WDR7: variants seen among roughly 807,000 people sequenced by gnomAD.
WDR7 encodes the protein WD repeat domain 7.
A neutral mutation model predicts 169.4 loss-of-function variants in WDR7; 46 were observed. The ratio of observed to expected loss-of-function variants is 0.27; its 90% CI spans 0.21 to 0.35. WDR7 has a LOEUF of 0.35. Among genes scored for constraint, WDR7 ranks in the 10% least tolerant of loss-of-function variants. The pLI is 1.00. For synonymous variants in WDR7, 612 were observed against 666.8 expected, an observed-to-expected ratio of 0.92 and a Z score of 1.27; for missense variants, 1,534 against 1,859.3, an observed-to-expected ratio of 0.83 and a Z score of 3.22.
intron 21 of WDR7, among the ~76,000 whole-genome samples, chr18:56,916,366 T>C (rs1053577951): frequency 6.6e-6 from 1 of 151,124 alleles, no homozygotes; most frequent in African/African-American, 2.4e-5. Context: ...GAACATGCGG[T>C]GTTTGGTTTT....
chr18:56,822,919 T>C (rs1211074454), intron 20 of WDR7, among the ~76,000 whole-genome samples: 1 of 152,174 alleles, frequency 6.6e-6, no homozygotes, highest in African/African-American at 2.4e-5. Flanking sequence ...CTTTTTGTCC[T>C]TTTTTAAAAA....
At chr18:56,682,932 T>C (rs2025377906) in intron 5 of WDR7, 79 bp downstream of exon 5, 15 of 1,408,686 alleles carry the variant, frequency 1.1e-5, no homozygotes, top group Admixed American at 2.2e-5. Flanking sequence ...CAATTTATCA[T>C]AAATTAATAC....
intron 14 of WDR7, among the ~76,000 whole-genome samples, chr18:56,743,809 G>C (rs899634093): frequency 6.6e-6 from 1 of 152,176 alleles, no homozygotes; most frequent in East Asian, 1.9e-4. Context: ...TGAGAGGAAC[G>C]TTCTCGATCA....
At position 56,779,474 on chromosome 18, in the gene WDR7, C is replaced by T; in HGVS notation, c.2991C>T (p.Asp997=). 1.2e-6 allele frequency: 2 copies of T among 1,613,876 alleles called. No homozygotes were observed. Among genetic ancestry groups the T allele is most frequent in the Non-Finnish European group, 1.7e-6 (2 of 1,179,888 alleles). The change falls in exon 18 of 28, where the codon GAC becomes GAT. Residue 997 remains aspartate (D), a synonymous_variant. Transcript: ENST00000254442. ...CTATGCACTGTGTTATGCTGCCAGA[C>T]CTACTGGGATTGGATAAATTTAGGC... The part of the protein sequence containing the change: ...LAAMHCVMLP[D]LLGLDKFRPP...
At chr18:56,824,462 A>G (rs193161604) in intron 20 of WDR7, among the ~76,000 whole-genome samples, 10 of 152,324 alleles carry the variant, frequency 6.6e-5, no homozygotes, top group African/African-American at 2.2e-4. Flanking sequence ...CATCTTCTCA[A>G]TAAATGTTTA....
intron 14 of WDR7, among the ~76,000 whole-genome samples, chr18:56,751,386 A>C (rs542102672): frequency 1.3e-5 from 2 of 152,312 alleles, no homozygotes; most frequent in South Asian, 4.1e-4. Flanking sequence ...GTGCTGCTTC[A>C]ATAATTTCTT....
chr18:56,994,905 T>C (rs1250976477), intron 26 of WDR7, among the ~76,000 whole-genome samples: 1 of 152,218 alleles, frequency 6.6e-6, no homozygotes, highest in East Asian at 1.9e-4. Flanking sequence ...TTCTAGTAAT[T>C]TATTAATTCT....
At chr18:56,886,576 G>A (rs927585767) in intron 21 of WDR7, among the ~76,000 whole-genome samples, 5 of 151,986 alleles carry the variant, frequency 3.3e-5, no homozygotes, top group African/African-American at 4.8e-5. Context: ...AAATAAAAAG[G>A]TATTCAGGCA....
chr18:56,797,506 C>A (rs2044604000), intron 19 of WDR7, among the ~76,000 whole-genome samples: 1 of 151,050 alleles, frequency 6.6e-6, no homozygotes, highest in Non-Finnish European at 1.5e-5. Flanking sequence ...TATTTATATA[C>A]CATTTTATAT....
chr18:57,018,206 A>G (rs1221958920), intron 26 of WDR7, among the ~76,000 whole-genome samples: 1 of 152,110 alleles, frequency 6.6e-6, no homozygotes, highest in East Asian at 1.9e-4. Context: ...GAGGGGCCCA[A>G]TCTCCAGAAG....
intron 26 of WDR7, among the ~76,000 whole-genome samples, chr18:56,981,159 T>C (rs2047639208): frequency 6.6e-6 from 1 of 152,108 alleles, no homozygotes; most frequent in Non-Finnish European, 1.5e-5. Flanking sequence ...AAAGGTAAAA[T>C]TGACTGAACT....
intron 14 of WDR7, among the ~76,000 whole-genome samples, chr18:56,746,461 T>C (rs1315790236): frequency 6.6e-6 from 1 of 152,108 alleles, no homozygotes; most frequent in African/African-American, 2.4e-5. Context: ...TACAGTGTAA[T>C]GTTACTTGGT....
intron 14 of WDR7, among the ~76,000 whole-genome samples, chr18:56,733,964 A>T (rs1309496458): frequency 3.3e-5 from 5 of 152,124 alleles, no homozygotes; most frequent in Non-Finnish European, 2.9e-5. Flanking sequence ...ATGATGTGGA[A>T]CAGAAAGTGC....
intron 13 of WDR7, among the ~76,000 whole-genome samples, chr18:56,722,596 A>G (rs2026346128): frequency 6.6e-6 from 1 of 152,208 alleles, no homozygotes. Context: ...TGGTAAAACC[A>G]AGTATAATCA....
Position 56,691,719 on chromosome 18 carries a change from C to T in WDR7, c.868C>T (p.Leu290Phe). ...SYIYKLPASC[L>F]PASDSFRSDV... is the part of the protein sequence containing the mutation. ...TTGTATTTTTCCCATATTCAGTTGCCTTCCAGCTAGTGATTCATTCCGCAG... is the reference window on the plus strand; with the variant it reads ...TTGTATTTTTCCCATATTCAGTTGCTTTCCAGCTAGTGATTCATTCCGCAG... Residue 290 changes from leucine to phenylalanine, a missense_variant, in exon 9 of 28, where the codon CTT (leucine) becomes TTT (phenylalanine). Physicochemically the swap from Leu to Phe is conservative, Grantham distance 22. Coordinates refer to ENST00000254442, the MANE Select transcript of WDR7 (RefSeq NM_015285.3). 1.2e-6 allele frequency: 2 copies of T among 1,607,740 alleles called. No individual in the cohort carries two copies. Among genetic ancestry groups the T allele is most frequent in the Non-Finnish European group, 1.7e-6 (2 of 1,178,202 alleles).
chr18:56,856,288 C>T (rs779560016), intron 20 of WDR7, among the ~76,000 whole-genome samples: 7 of 152,186 alleles, frequency 4.6e-5, no homozygotes, highest in Non-Finnish European at 8.8e-5. Flanking sequence ...AATCCCAGCA[C>T]TTTGGGAGGC....
chr18:56,727,979 A>G (rs1409316653), intron 13 of WDR7, among the ~76,000 whole-genome samples: 1 of 152,182 alleles, frequency 6.6e-6, no homozygotes, highest in African/African-American at 2.4e-5. Flanking sequence ...ATAATTCCTT[A>G]GTTCTTCCTT....
At chr18:56,826,750 C>T (rs571442688) in intron 20 of WDR7, among the ~76,000 whole-genome samples, 7 of 152,234 alleles carry the variant, frequency 4.6e-5, no homozygotes, top group South Asian at 2.1e-4. Flanking sequence ...TTCAGGGAAT[C>T]AGAACCAGCT....
intron 26 of WDR7, chr18:57,009,832 C>T (rs1049746465): frequency 9.1e-6 from 9 of 984,856 alleles, no homozygotes; most frequent in Non-Finnish European, 1.1e-5. Context: ...AATTTTGTGT[C>T]ACCAGGCACT....
Sources: allele counts gnomAD v4.1 joint callset (sites outside exome capture counted in the v4.1 genomes callset), GRCh38; gene constraint gnomAD v4.1.1; transcripts MANE v1.5; gene names NCBI Gene and HGNC (gene_info 2026-07-23, HGNC 2026-07-21).